NSMCE2: variants seen among roughly 807,000 people sequenced by gnomAD.
The protein encoded by NSMCE2 is NSE2 SUMO ligase component of SMC5/6 complex.
NSMCE2 carries 24 observed loss-of-function variants against 23.8 expected under a neutral mutation model. The ratio of observed to expected loss-of-function variants is 1.01; its 90% CI spans 0.73 to 1.42. The LOEUF (loss-of-function observed/expected upper bound fraction) is 1.42. Among genes scored for constraint, NSMCE2 ranks in the 40% most tolerant of loss-of-function variants. The pLI is 0.00. For synonymous variants in NSMCE2, 92 were observed against 94.1 expected (o/e 0.98, Z 0.13); for missense variants, 284 against 296.5 (o/e 0.96, Z 0.31).
intron 5 of NSMCE2, among the ~76,000 whole-genome samples, chr8:125,306,436 C>CTCTA (rs1229518344): frequency 6.6e-6 from 1 of 152,004 alleles, no homozygotes; most frequent in Non-Finnish European, 1.5e-5. Context: ...ATTTAAATTT[C>CTCTA]TCTATCTCTC....
At chr8:125,232,220 G>A (rs551327689) in intron 5 of NSMCE2, among the ~76,000 whole-genome samples, 30 of 152,150 alleles carry the variant, frequency 2.0e-4, no homozygotes, top group South Asian at 6.2e-4. Flanking sequence ...AAAATCAGCC[G>A]GATGTGGTGG....
intron 5 of NSMCE2, among the ~76,000 whole-genome samples, chr8:125,238,378 A>G (rs1362066851): frequency 6.6e-6 from 1 of 152,242 alleles, no homozygotes; most frequent in Non-Finnish European, 1.5e-5. Context: ...TGACATGTTC[A>G]GCTTATCTAT....
chr8:125,183,043 G>A (rs1822903536), intron 5 of NSMCE2, among the ~76,000 whole-genome samples: 1 of 152,038 alleles, frequency 6.6e-6, no homozygotes, highest in East Asian at 1.9e-4. Flanking sequence ...TGAGACGCTT[G>A]TATTTCTTAA....
At chr8:125,093,139 T>C (rs1157001010) in intron 1 of NSMCE2, among the ~76,000 whole-genome samples, 2 of 152,188 alleles carry the variant, frequency 1.3e-5, no homozygotes, top group Non-Finnish European at 2.9e-5. Flanking sequence ...GAAATTTATT[T>C]CTCACAGTTC....
intron 3 of NSMCE2, among the ~76,000 whole-genome samples, chr8:125,109,890 T>A (rs961276833): frequency 6.6e-6 from 1 of 152,188 alleles, no homozygotes; most frequent in African/African-American, 2.4e-5. Context: ...TTGACCTAAC[T>A]GGGAAATGAA....
At position 125,367,006 on chromosome 8, in the gene NSMCE2, C is replaced by T. The variant is rs1813826173; in HGVS notation, c.*121C>T. Reference sequence around the variant, plus strand: ...CATAGCATACTTGTTGGGGGTAAAACTTGTTGCTTTTATGTGTGCTTGAAA... The same window carrying T: ...CATAGCATACTTGTTGGGGGTAAAATTTGTTGCTTTTATGTGTGCTTGAAA... On this transcript the variant is annotated 3_prime_UTR_variant, in exon 8 of 8. Coordinates refer to ENST00000287437, the MANE Select transcript of NSMCE2 (RefSeq NM_173685.4). 1.4e-5 allele frequency: 9 copies of T among 635,048 alleles called. No individual in the cohort carries two copies. Among genetic ancestry groups the T allele is most frequent in the Admixed American group, 2.6e-5 (1 of 38,662 alleles). 39.3% of individuals were successfully genotyped at this position (635,048 alleles called of 1,614,324 possible). A position where few individuals can be genotyped will look rare whatever the true frequency, so the allele number is the denominator to read the frequency against.
intron 3 of NSMCE2, among the ~76,000 whole-genome samples, chr8:125,113,782 C>G (rs1818874166): frequency 6.6e-6 from 1 of 152,112 alleles, no homozygotes; most frequent in Non-Finnish European, 1.5e-5. Flanking sequence ...CATCTTGATT[C>G]TGAAAGGGAC....
intron 7 of NSMCE2, among the ~76,000 whole-genome samples, chr8:125,358,342 A>T (rs1245035027): frequency 6.6e-6 from 1 of 152,036 alleles, no homozygotes; most frequent in Non-Finnish European, 1.5e-5. Flanking sequence ...CAAAAAAAAA[A>T]AAAGGTTTAG....
At chr8:125,271,682 T>C (rs567100780) in intron 5 of NSMCE2, among the ~76,000 whole-genome samples, 9 of 152,330 alleles carry the variant, frequency 5.9e-5, no homozygotes, top group Non-Finnish European at 8.8e-5. Context: ...TCAGGTTTCA[T>C]AGGCAGGAGC....
intron 3 of NSMCE2, among the ~76,000 whole-genome samples, chr8:125,113,940 A>G (rs28535453): frequency 0.027 from 4,154 of 152,288 alleles, 176 homozygotes; most frequent in African/African-American, 0.095. Context: ...TGAATTTGAT[A>G]GGATTCTTCT....
At chr8:125,366,333 G>C (rs1001263658) in intron 7 of NSMCE2, among the ~76,000 whole-genome samples, 1 of 152,198 alleles carries the variant, frequency 6.6e-6, no homozygotes, top group African/African-American at 2.4e-5. Context: ...GAGGTCAGGA[G>C]ATCGAGACCA....
intron 3 of NSMCE2, among the ~76,000 whole-genome samples, chr8:125,134,865 C>T (rs139710104): frequency 4.7e-4 from 71 of 151,864 alleles, no homozygotes; most frequent in Admixed American, 2.2e-3. Flanking sequence ...GTAGTTGGGA[C>T]TATAGGCGTA....
At chr8:125,248,431 G>A (rs751490708) in intron 5 of NSMCE2, among the ~76,000 whole-genome samples, 3 of 152,180 alleles carry the variant, frequency 2.0e-5, no homozygotes, top group Non-Finnish European at 4.4e-5. Context: ...GCTAAGGCAG[G>A]CAGATCACTT....
Sources: allele counts gnomAD v4.1 joint callset (sites outside exome capture counted in the v4.1 genomes callset), GRCh38; gene constraint gnomAD v4.1.1; transcripts MANE v1.5; gene names NCBI Gene and HGNC (gene_info 2026-07-23, HGNC 2026-07-21).